Variants in PPARGC1B observed in about 807,000 individuals in gnomAD.
The protein encoded by PPARGC1B is PPARG coactivator 1 beta.
PPARGC1B carries 34 observed loss-of-function variants against 101.6 expected under a neutral mutation model. That is an observed-to-expected ratio of 0.33 (90% CI 0.25 to 0.45). The LOEUF (loss-of-function observed/expected upper bound fraction) is 0.45, where lower values mean the gene tolerates loss of function less well. PPARGC1B is among the 20% of genes least tolerant of loss of function. The probability of loss-of-function intolerance (pLI) is 1.00; values close to 1 mark genes in which losing one functional copy is unlikely to be tolerated. For missense variants in PPARGC1B, 1,234 were observed against 1,317.6 expected, an observed-to-expected ratio of 0.94 and a Z score of 0.98; for synonymous variants, 548 against 539.3, an observed-to-expected ratio of 1.02 and a Z score of -0.22.
chr5:149,836,472 G>A lies in PPARGC1B; in HGVS notation c.2017G>A (p.Ala673Thr), dbSNP rs759452682. 4 of 1,613,848 alleles carry A rather than the reference G, an allele frequency of 2.5e-6. No individual in the cohort carries two copies. In the African/African-American group the frequency reaches 4.0e-5, roughly 16 times the overall value. ...CCTGTCCCACCTGCGACATGCCACAGCCCAGCCAGCCTCCCAGGCTGGCCA... is the reference window on the plus strand; with the variant it reads ...CCTGTCCCACCTGCGACATGCCACAACCCAGCCAGCCTCCCAGGCTGGCCA... ...ELLSHLRHATAQPASQAGQKR... is the reference protein window; with the variant it reads ...ELLSHLRHATTQPASQAGQKR... Residue 673 changes from alanine to threonine, a missense_variant, in exon 8 of 12, where the codon GCC becomes ACC. By Grantham distance (58) the Ala-to-Thr change is moderately conservative. Transcript: ENST00000309241.
intron 1 of PPARGC1B, among the ~76,000 whole-genome samples, chr5:149,807,536 T>A (rs1418331796): frequency 2.6e-5 from 4 of 152,192 alleles, no homozygotes; most frequent in Non-Finnish European, 5.9e-5. Flanking sequence ...GAACCAGGAA[T>A]CTGCTCCAGT....
intron 1 of PPARGC1B, among the ~76,000 whole-genome samples, chr5:149,758,945 C>T (rs1395818327): frequency 1.3e-5 from 2 of 152,070 alleles, no homozygotes; most frequent in East Asian, 3.8e-4. Context: ...AAATGAAAGG[C>T]TAGTTTTAGA....
At chr5:149,763,550 T>G (rs943691778) in intron 1 of PPARGC1B, among the ~76,000 whole-genome samples, 3 of 85,500 alleles carry the variant, frequency 3.5e-5, no homozygotes, top group African/African-American at 1.3e-4. Flanking sequence ...TTTTTTTTTT[T>G]GCAGAGGTCT....
intron 1 of PPARGC1B, among the ~76,000 whole-genome samples, chr5:149,797,321 G>T (rs1757261949): frequency 6.6e-6 from 1 of 152,204 alleles, no homozygotes; most frequent in Non-Finnish European, 1.5e-5. Flanking sequence ...TTGTTTTCAT[G>T]AATCTCTAGC....
chr5:149,765,375 C>T (rs1755871872), intron 1 of PPARGC1B, among the ~76,000 whole-genome samples: 1 of 152,198 alleles, frequency 6.6e-6, no homozygotes. Context: ...TGGAGCAGAA[C>T]CATCTCTGGA....
At chr5:149,856,202 A>G (rs1189826351), downstream of PPARGC1B, among the ~76,000 whole-genome samples, 1 of 152,196 alleles carries the variant, frequency 6.6e-6, no homozygotes, top group Non-Finnish European at 1.5e-5. Context: ...TTATTACATA[A>G]ACTCATACAA....
intron 11 of PPARGC1B, chr5:149,846,197 C>A: frequency 1.7e-6 from 1 of 573,260 alleles, no homozygotes; most frequent in East Asian, 2.8e-5. Flanking sequence ...AGCCAGCTGG[C>A]AGAACCGTGG....
chr5:149,837,217 A>G lies in PPARGC1B; in HGVS notation c.2618+144A>G, dbSNP rs1005697130. Reference sequence around the variant, plus strand: ...TCCCAGTGTGGCCCATGTCTTGGTCAGGAGCCTTGAAGGTGGTCTTCTGGG... The same window carrying G: ...TCCCAGTGTGGCCCATGTCTTGGTCGGGAGCCTTGAAGGTGGTCTTCTGGG... On this transcript the variant is annotated intron_variant, in intron 8 of 11. Coordinates refer to ENST00000309241, the MANE Select transcript of PPARGC1B (RefSeq NM_133263.4). This position sits in a 1 kb window ranked among gnomAD's most constrained non-coding sequence, Gnocchi z 4.2. 15 of 1,343,086 alleles carry G rather than the reference A, an allele frequency of 1.1e-5. No homozygotes were observed. In the African/African-American group the frequency reaches 2.1e-4, roughly 18 times the overall value. The allele number at this position is 1,343,086 out of a possible 1,614,324, so 83.2% of individuals were successfully genotyped here. A position where few individuals can be genotyped will look rare whatever the true frequency, so the allele number is the denominator to read the frequency against.
chr5:149,779,572 A>G lies in PPARGC1B; in HGVS notation c.79-40861A>G, dbSNP rs541141388. On this transcript the variant is annotated intron_variant, in intron 1 of 11. Transcript: ENST00000309241. ...TCTCTAGAGAGAGAGAAACAAGGAG[A>G]CAAATCAGATAAAAAGCAACATGCT... 9.7e-4 allele frequency among the ~76,000 whole-genome samples: 148 copies of G among 152,328 alleles called. No individual in the cohort carries two copies. In the Middle Eastern group the frequency reaches 0.01, roughly 11 times the overall value.
intron 1 of PPARGC1B, among the ~76,000 whole-genome samples, chr5:149,731,457 C>T (rs1754461788): frequency 6.6e-6 from 1 of 152,150 alleles, no homozygotes; most frequent in Admixed American, 6.5e-5. Flanking sequence ...GAGGATGCGG[C>T]GGAACCTCGG....
At chr5:149,838,494 C>A (rs1050854501) in intron 8 of PPARGC1B, among the ~76,000 whole-genome samples, 2 of 152,212 alleles carry the variant, frequency 1.3e-5, no homozygotes, top group Admixed American at 6.5e-5. Context: ...GGTTTGGCTT[C>A]AGCCTTGCTT....
rs2113039421 is a variant in PPARGC1B at position 149,730,455 on chromosome 5, G to A, written c.78+35G>A. The A allele has an allele frequency of 6.6e-7, 1 of 1,506,086 alleles. No individual in the cohort carries two copies. Among genetic ancestry groups the A allele is most frequent in the Non-Finnish European group, 8.9e-7 (1 of 1,122,838 alleles). The allele number at this position is 1,506,086 out of a possible 1,614,324, so 93.3% of individuals were successfully genotyped here. A position where few individuals can be genotyped will look rare whatever the true frequency, so the allele number is the denominator to read the frequency against. On this transcript the variant is annotated intron_variant, in intron 1 of 11. Transcript: ENST00000309241. This position sits in a 1 kb window ranked among gnomAD's most constrained non-coding sequence, Gnocchi z 4.0. ...GCTGGGGCTGCGGGCCCGGGGCCAG[G>A]GGTGCTGAGCTGCGGGGGCCGCAGC...
chr5:149,772,125 G>T, intron 1 of PPARGC1B: 1 of 1,598,684 alleles, frequency 6.3e-7, no homozygotes, highest in South Asian at 1.1e-5. Flanking sequence ...TGGAGGAGCC[G>T]CCACCAGAGC....
chr5:149,801,785 GA>G (rs1757438263), intron 1 of PPARGC1B, among the ~76,000 whole-genome samples: 1 of 152,160 alleles, frequency 6.6e-6, no homozygotes, highest in Non-Finnish European at 1.5e-5. Flanking sequence ...CTCAGAGCAT[GA>G]AGGGTTAACT....
intron 1 of PPARGC1B, among the ~76,000 whole-genome samples, chr5:149,735,948 AC>A (rs1180470831): frequency 4.6e-5 from 7 of 152,214 alleles, no homozygotes; most frequent in African/African-American, 1.7e-4. Context: ...ACGTGGTGAA[AC>A]CCCGTCTCTA....
At chr5:149,819,085 C>A (rs1336888304) in intron 1 of PPARGC1B, among the ~76,000 whole-genome samples, 3 of 152,240 alleles carry the variant, frequency 2.0e-5, no homozygotes, top group Non-Finnish European at 2.9e-5. Context: ...TGATTGGCTT[C>A]TGATTCAGTA....
At chr5:149,741,796 T>G (rs1338163732) in intron 1 of PPARGC1B, among the ~76,000 whole-genome samples, 1 of 151,694 alleles carries the variant, frequency 6.6e-6, no homozygotes, top group Non-Finnish European at 1.5e-5. Flanking sequence ...CCTGGCTAAT[T>G]TTTTTGTATT....
At chr5:149,821,382 G>A (rs1248730603) in intron 2 of PPARGC1B, among the ~76,000 whole-genome samples, 1 of 152,190 alleles carries the variant, frequency 6.6e-6, no homozygotes, top group Non-Finnish European at 1.5e-5. Context: ...ATAATATGAT[G>A]TCTGGGGTTT....
chr5:149,825,729 A>C (rs985658829), intron 2 of PPARGC1B, among the ~76,000 whole-genome samples: 2 of 152,174 alleles, frequency 1.3e-5, no homozygotes, highest in African/African-American at 4.8e-5. Flanking sequence ...CGTGCTGTTT[A>C]TCACCAGCGT....
Sources: gnomAD v4.1 joint callset for allele counts (sites outside exome capture counted in the v4.1 genomes callset) on GRCh38, gnomAD v4.1.1 for gene constraint, Gnocchi (gnomAD v3.1) non-coding constraint, MANE v1.5 for transcripts, NCBI Gene and HGNC (gene_info 2026-07-23, HGNC 2026-07-21) for gene names.